The following ANKRD30A variants were observed in gnomAD, a reference collection of about 807,000 sequenced individuals.
ANKRD30A encodes the protein ankyrin repeat domain 30A.
A neutral mutation model predicts 166.3 loss-of-function variants in ANKRD30A; 170 were observed. The observed-to-expected ratio is 1.02, with a 90% confidence interval of 0.90 to 1.16. The LOEUF (loss-of-function observed/expected upper bound fraction) is 1.16, where lower values mean the gene tolerates loss of function less well. Among genes scored for constraint, ANKRD30A ranks in the 50% most tolerant of loss-of-function variants. ANKRD30A has a pLI of 0.00. For missense variants in ANKRD30A, 1,630 were observed against 1,518.0 expected, an observed-to-expected ratio of 1.07 and a Z score of -1.23; for synonymous variants, 564 against 508.9, an observed-to-expected ratio of 1.11 and a Z score of -1.46.
chr10:37,140,857 T>A (rs1245333324), intron 6 of ANKRD30A, among the ~76,000 whole-genome samples: 4 of 152,170 alleles, frequency 2.6e-5, no homozygotes, highest in African/African-American at 9.7e-5. Context: ...AGTTAGGTTT[T>A]GCAAGTTGCA....
rs778257533 is a variant in ANKRD30A at position 37,193,083 on chromosome 10, T to C, written c.2532T>C (p.Gly844=). Residue 844 remains glycine, a synonymous_variant, in exon 26 of 36, where the codon GGT becomes GGC. Transcript: ENST00000361713. ...TTTTAGAGTCTCCTGATAATGATGGTTTTCTGAAGGTAATAACTTTTATAT... is the reference window on the plus strand; with the variant it reads ...TTTTAGAGTCTCCTGATAATGATGGCTTTCTGAAGGTAATAACTTTTATAT... The part of the protein sequence containing the change: ...GKLEESPDND[G]FLKAPCRMKV... 8 of 1,609,192 alleles carry C rather than the reference T, an allele frequency of 5.0e-6. No homozygotes were observed. The East Asian group carries it at 1.8e-4, about 36-fold the overall frequency.
intron 24 of ANKRD30A, among the ~76,000 whole-genome samples, chr10:37,183,367 A>G (rs562953638): frequency 1.4e-5 from 2 of 145,442 alleles, no homozygotes; most frequent in East Asian, 4.1e-4. Context: ...TATTTGTTGA[A>G]CTTCAGAGAT....
the ANKRD30A span, among the ~76,000 whole-genome samples, chr10:37,255,828 T>C: frequency 2.6e-5 from 4 of 152,262 alleles, no homozygotes; most frequent in Non-Finnish European, 5.9e-5. Flanking sequence ...ATTCTATTTC[T>C]GGTAATCTAT....
chr10:37,255,676 T>G, the ANKRD30A span, among the ~76,000 whole-genome samples: 1 of 152,134 alleles, frequency 6.6e-6, no homozygotes, highest in Admixed American at 6.5e-5. Flanking sequence ...AGGAATAAAT[T>G]TTTATGGCAT....
intron 31 of ANKRD30A, among the ~76,000 whole-genome samples, chr10:37,214,542 A>G (rs761027429): frequency 2.1e-3 from 287 of 137,742 alleles, no homozygotes; most frequent in Non-Finnish European, 3.1e-3. Flanking sequence ...TTTTATAGGT[A>G]TATATATATA....
intron 6 of ANKRD30A, among the ~76,000 whole-genome samples, chr10:37,138,904 C>G (rs1836908006): frequency 6.6e-6 from 1 of 152,120 alleles, no homozygotes; most frequent in Admixed American, 6.5e-5. Flanking sequence ...TTGAGAAGAG[C>G]AACTCCAAGA....
At chr10:37,201,400 A>G (rs1841617598) in intron 31 of ANKRD30A, 75 bp downstream of exon 31, 3 of 1,160,230 alleles carry the variant, frequency 2.6e-6, no homozygotes, top group African/African-American at 1.6e-5. Context: ...ATATGCTCTA[A>G]TAGCTGAAGA....
downstream of ANKRD30A, among the ~76,000 whole-genome samples, chr10:37,237,254 TA>T (rs1843706058): frequency 6.6e-6 from 1 of 152,254 alleles, no homozygotes; most frequent in East Asian, 1.9e-4. Flanking sequence ...TGGTGAGGCA[TA>T]AGTGCTCTGA....
chr10:37,177,946 A>C (rs1327664854), intron 24 of ANKRD30A, among the ~76,000 whole-genome samples: 1 of 149,394 alleles, frequency 6.7e-6, no homozygotes, highest in Non-Finnish European at 1.5e-5. Context: ...AGTGCTGAAG[A>C]GGAGCTGAAT....
chr10:37,130,281 A>G lies in ANKRD30A; in HGVS notation c.413A>G (p.Tyr138Cys), dbSNP rs765131778. Residue 138 changes from tyrosine (Y) to cysteine (C), a missense_variant, in exon 3 of 36, where the codon TAT becomes TGT. Tyr to Cys is a radical substitution (Grantham distance 194, BLOSUM62 -2). Transcript: ENST00000361713. ...SGADINLVDVYGNTALHYAVY... is the reference protein window; with the variant it reads ...SGADINLVDVCGNTALHYAVY... ...GCCGATATAAATCTCGTAGATGTGT[A>G]TGGCAACACGGCTCTCCATTATGCT... The G allele has an allele frequency of 6.2e-7, 1 of 1,605,636 alleles. No individual in the cohort carries two copies. Among genetic ancestry groups the G allele is most frequent in the Admixed American group, 1.7e-5 (1 of 58,396 alleles).
At chr10:37,224,443 C>T (rs1016412183) in intron 34 of ANKRD30A, among the ~76,000 whole-genome samples, 1 of 150,132 alleles carries the variant, frequency 6.7e-6, no homozygotes, top group African/African-American at 2.4e-5. Flanking sequence ...TATCACTAAA[C>T]TTCTGTTGTT....
At position 37,167,186 on chromosome 10, in the gene ANKRD30A, T is replaced by C. The variant is rs373885221; in HGVS notation, c.2155+491T>C. On this transcript the variant is annotated intron_variant, in intron 19 of 35. Transcript: ENST00000361713. The stretch of plus-strand genomic sequence containing the variant: ...TTAGAAAAGTTTTACTGCAGAATGT[T>C]AGAGTGTGGGTGCTCTGGAGACTAC... Among the ~76,000 whole-genome samples the C allele has an allele frequency of 9.1e-4, 138 of 151,218 alleles. 1 individual carries two copies. The highest frequency in any genetic ancestry group is 3.2e-3 in the African/African-American group (130 of 40,866).
chr10:37,232,695 A>ATATAT (rs1564604874), downstream of ANKRD30A: 4 of 10,852 alleles, frequency 3.7e-4, no homozygotes, highest in Admixed American at 1.4e-3. Flanking sequence ...TATATATATA[A>ATATAT]ATAGAGAGAG....
At chr10:37,260,437 T>A in the ANKRD30A span, among the ~76,000 whole-genome samples, 2 of 152,166 alleles carry the variant, frequency 1.3e-5, no homozygotes, top group East Asian at 1.9e-4. Context: ...GTTCTCCTAG[T>A]GTAACTCTTA....
chr10:37,254,880 C>T, the ANKRD30A span, among the ~76,000 whole-genome samples: 2 of 152,014 alleles, frequency 1.3e-5, no homozygotes, highest in Non-Finnish European at 1.5e-5. Flanking sequence ...GACGGGGCTT[C>T]ACCGTGTTAG....
At chr10:37,200,384 G>A (rs1376565363) in intron 30 of ANKRD30A, among the ~76,000 whole-genome samples, 1 of 151,912 alleles carries the variant, frequency 6.6e-6, no homozygotes, top group East Asian at 1.9e-4. Flanking sequence ...TTTCACAAAT[G>A]GAACTCCTTG....
the ANKRD30A span, among the ~76,000 whole-genome samples, chr10:37,246,953 G>T: frequency 6.6e-6 from 1 of 152,188 alleles, no homozygotes; most frequent in African/African-American, 2.4e-5. Context: ...AGGCACAGTG[G>T]CTCAGGCCTG....
the ANKRD30A span, among the ~76,000 whole-genome samples, chr10:37,251,110 G>A: frequency 6.6e-6 from 1 of 152,122 alleles, no homozygotes. Flanking sequence ...GAGTCACCTG[G>A]TAAGATTTGC....
intron 25 of ANKRD30A, among the ~76,000 whole-genome samples, chr10:37,191,241 T>A (rs553091262): frequency 6.6e-6 from 1 of 151,854 alleles, no homozygotes; most frequent in East Asian, 1.9e-4. Flanking sequence ...ATTACAAAAA[T>A]GTTGGCATAC....
Sources: allele counts gnomAD v4.1 joint callset (sites outside exome capture counted in the v4.1 genomes callset), GRCh38; gene constraint gnomAD v4.1.1; transcripts MANE v1.5; gene names NCBI Gene and HGNC (gene_info 2026-07-23, HGNC 2026-07-21).